The following LRRC7 variants were observed in gnomAD, a reference collection of about 807,000 sequenced individuals.
LRRC7 encodes the protein leucine-rich repeat-containing protein 7.
In LRRC7, 23 loss-of-function variants were observed where a neutral mutation model predicts 175.7. The ratio of observed to expected loss-of-function variants is 0.13; its 90% CI spans 0.09 to 0.19. LRRC7 has a LOEUF of 0.19. Ranked by LOEUF, LRRC7 falls within the 10% of genes least tolerant of loss-of-function variation. LRRC7 has a pLI of 1.00. For synonymous variants in LRRC7, 685 were observed against 680.9 expected, an observed-to-expected ratio of 1.01 and a Z score of -0.09; for missense variants, 1,354 against 1,904.7, an observed-to-expected ratio of 0.71 and a Z score of 5.38.
At chr1:69,811,459 A>G (rs1677854139) in intron 4 of LRRC7, among the ~76,000 whole-genome samples, 1 of 152,140 alleles carries the variant, frequency 6.6e-6, no homozygotes, top group South Asian at 2.1e-4. Flanking sequence ...TAATATAAAG[A>G]CACATGGACA....
At chr1:69,676,873 A>G (rs1659838148) in intron 1 of LRRC7, among the ~76,000 whole-genome samples, 1 of 130,192 alleles carries the variant, frequency 7.7e-6, no homozygotes, top group Non-Finnish European at 1.6e-5. Flanking sequence ...TTCAGTGCAC[A>G]TGTCACCTGG....
chr1:69,871,219 G>A (rs550205657), intron 7 of LRRC7, among the ~76,000 whole-genome samples: 29 of 152,166 alleles, frequency 1.9e-4, no homozygotes, highest in African/African-American at 6.7e-4. Context: ...AAGCCAAATT[G>A]TATGCTGTAA....
intron 10 of LRRC7, among the ~76,000 whole-genome samples, chr1:69,988,789 T>C (rs1161869150): frequency 6.6e-6 from 1 of 152,140 alleles, no homozygotes; most frequent in African/African-American, 2.4e-5. Context: ...ACATTGCTAA[T>C]ATAAGACTGG....
At chr1:70,107,041 C>T (rs1236924903) in intron 25 of LRRC7, among the ~76,000 whole-genome samples, 2 of 152,300 alleles carry the variant, frequency 1.3e-5, no homozygotes, top group East Asian at 3.9e-4. Flanking sequence ...TTCTGTCTAT[C>T]TCTATATCAT....
intron 1 of LRRC7, among the ~76,000 whole-genome samples, chr1:69,593,010 A>G (rs1646700734): frequency 1.3e-5 from 2 of 152,198 alleles, no homozygotes; most frequent in South Asian, 4.1e-4. Context: ...ATTCTCATAT[A>G]TTGTAAAAAT....
chr1:69,785,940 C>A (rs1321928767), intron 3 of LRRC7, among the ~76,000 whole-genome samples: 1 of 152,200 alleles, frequency 6.6e-6, no homozygotes, highest in East Asian at 1.9e-4. Context: ...TCTTTTAAAT[C>A]CTACTTTTAT....
chr1:69,922,864 G>A (rs913353080), intron 7 of LRRC7, among the ~76,000 whole-genome samples: 1 of 151,694 alleles, frequency 6.6e-6, no homozygotes, highest in South Asian at 2.1e-4. Flanking sequence ...ACAATGTGCA[G>A]GTTAGTTACG....
At chr1:70,005,332 A>G (rs1051859796) in intron 11 of LRRC7, among the ~76,000 whole-genome samples, 1 of 152,204 alleles carries the variant, frequency 6.6e-6, no homozygotes, top group Non-Finnish European at 1.5e-5. Context: ...AATTATTTTT[A>G]TATTTATTAT....
intron 25 of LRRC7, among the ~76,000 whole-genome samples, chr1:70,099,630 C>A (rs889406010): frequency 6.6e-6 from 1 of 152,110 alleles, no homozygotes; most frequent in Non-Finnish European, 1.5e-5. Flanking sequence ...ATTATACAAC[C>A]AGAGGGGCTT....
At chr1:69,575,514 A>G (rs9988532) in intron 1 of LRRC7, among the ~76,000 whole-genome samples, 15,352 of 152,202 alleles carry the variant, frequency 0.1, 870 homozygotes, top group African/African-American at 0.12. Flanking sequence ...GCAGACTCCT[A>G]TGCTATAAAT....
At chr1:69,614,160 A>G (rs1484845656) in intron 1 of LRRC7, among the ~76,000 whole-genome samples, 1 of 152,032 alleles carries the variant, frequency 6.6e-6, no homozygotes, top group Non-Finnish European at 1.5e-5. Flanking sequence ...CATCATATAC[A>G]AACATAAACT....
chr1:70,064,721 T>G (rs1208552557), intron 23 of LRRC7, among the ~76,000 whole-genome samples: 1 of 151,800 alleles, frequency 6.6e-6, no homozygotes, highest in Non-Finnish European at 1.5e-5. Context: ...TTTTAAAGAA[T>G]TTTTTAGTCC....
At chr1:69,676,007 GCACACACACACA>G (rs57846147) in intron 1 of LRRC7, among the ~76,000 whole-genome samples, 12 of 147,552 alleles carry the variant, frequency 8.1e-5, no homozygotes, top group Admixed American at 2.0e-4. Context: ...ATGAGTGCAT[GCACACACACACA>G]CACACACACA....
At chr1:69,921,574 A>G (rs1383761822) in intron 7 of LRRC7, among the ~76,000 whole-genome samples, 3 of 152,124 alleles carry the variant, frequency 2.0e-5, no homozygotes, top group Non-Finnish European at 2.9e-5. Flanking sequence ...TCTTTTTCCA[A>G]AGCATCTCTC....
chr1:69,600,664 C>G (rs909861993), intron 1 of LRRC7, among the ~76,000 whole-genome samples: 10 of 152,010 alleles, frequency 6.6e-5, no homozygotes, highest in Non-Finnish European at 1.3e-4. Context: ...CTCCTATGCC[C>G]CTTTGACTTT....
At chr1:69,810,028 G>T (rs903309394) in intron 4 of LRRC7, among the ~76,000 whole-genome samples, 4 of 152,010 alleles carry the variant, frequency 2.6e-5, no homozygotes, top group Non-Finnish European at 1.5e-5. Flanking sequence ...AAACCCCATC[G>T]TCTCAGCCCA....
chr1:69,832,546 C>T (rs1413850478), intron 5 of LRRC7, among the ~76,000 whole-genome samples: 3 of 151,704 alleles, frequency 2.0e-5, no homozygotes, highest in South Asian at 2.1e-4. Flanking sequence ...AACTAATCAG[C>T]GAAATGATGA....
chr1:70,055,430 A>G (rs1661071225), intron 23 of LRRC7, among the ~76,000 whole-genome samples: 1 of 152,216 alleles, frequency 6.6e-6, no homozygotes, highest in Non-Finnish European at 1.5e-5. Context: ...CTAGTTAGGA[A>G]GATTCTATAG....
At chr1:69,643,963 A>C (rs1654623138) in intron 1 of LRRC7, among the ~76,000 whole-genome samples, 1 of 152,158 alleles carries the variant, frequency 6.6e-6, no homozygotes, top group Admixed American at 6.6e-5. Flanking sequence ...AAACAAATTA[A>C]AAATATTTCA....
Sources: gnomAD v4.1 joint callset for allele counts (sites outside exome capture counted in the v4.1 genomes callset) on GRCh38, gnomAD v4.1.1 for gene constraint, MANE v1.5 for transcripts, NCBI Gene and HGNC (gene_info 2026-07-23, HGNC 2026-07-21) for gene names.